Variants in PREX2 observed in about 807,000 individuals in gnomAD.
PREX2 encodes phosphatidylinositol-3,4,5-trisphosphate dependent Rac exchange factor 2.
Under a neutral mutation model 203.2 loss-of-function variants are expected in PREX2, and 107 were observed. The ratio of observed to expected loss-of-function variants is 0.53; its 90% CI spans 0.45 to 0.62. PREX2 has a LOEUF of 0.62. Among genes scored for constraint, PREX2 ranks in the 20% least tolerant of loss-of-function variants. PREX2 has a pLI of 0.00. For missense variants in PREX2, 1,777 were observed against 1,955.9 expected (o/e 0.91, Z 1.72); for synonymous variants, 672 against 663.6 (o/e 1.01, Z -0.19).
At chr8:68,182,545 A>G (rs1477071190) in intron 35 of PREX2, among the ~76,000 whole-genome samples, 1 of 152,144 alleles carries the variant, frequency 6.6e-6, no homozygotes, top group Non-Finnish European at 1.5e-5. Context: ...AAAAATGTAC[A>G]TAATGATTTA....
At chr8:68,032,899 C>G (rs569155455) in intron 6 of PREX2, among the ~76,000 whole-genome samples, 2 of 152,232 alleles carry the variant, frequency 1.3e-5, no homozygotes, top group African/African-American at 4.8e-5. Context: ...GAAACAGCTC[C>G]CTCTCCAGCT....
chr8:68,121,124 G>T, intron 30 of PREX2, 75 bp downstream of exon 30: 1 of 1,433,202 alleles, frequency 7.0e-7, no homozygotes, highest in South Asian at 1.2e-5. Flanking sequence ...CCAAAAGTTT[G>T]GTAATGCCTG....
intron 1 of PREX2, among the ~76,000 whole-genome samples, chr8:68,009,325 A>G (rs191113192): frequency 5.6e-4 from 85 of 152,318 alleles, no homozygotes; most frequent in Middle Eastern, 3.4e-3. Context: ...TATCTATACA[A>G]TGTACTTTGT....
chr8:68,195,869 A>G (rs1812384392), intron 37 of PREX2, among the ~76,000 whole-genome samples: 1 of 152,216 alleles, frequency 6.6e-6, no homozygotes, highest in Non-Finnish European at 1.5e-5. Flanking sequence ...AAACTATTGA[A>G]TTATATTGTA....
At chr8:68,069,704 A>C (rs1202952827) in intron 12 of PREX2, 131 bp from the exon 13 acceptor site, 1 of 473,782 alleles carries the variant, frequency 2.1e-6, no homozygotes, top group African/African-American at 2.0e-5. Flanking sequence ...TATTTGAATA[A>C]TTTTTAAATT....
At chr8:67,960,201 C>T (rs2129017182) in intron 1 of PREX2, among the ~76,000 whole-genome samples, 1 of 152,220 alleles carries the variant, frequency 6.6e-6, no homozygotes, top group Non-Finnish European at 1.5e-5. Flanking sequence ...GCCACAATGC[C>T]CAGCTAACTT....
Position 68,198,080 on chromosome 8 carries a change from A to G in PREX2, c.4604+5555A>G, listed in dbSNP as rs563081625. Among the ~76,000 whole-genome samples the G allele has an allele frequency of 3.3e-5, 5 of 152,268 alleles. No homozygotes were observed. The South Asian group carries it at 1.0e-3, about 32-fold the overall frequency. ...CAAAGAGTTTAAACCTTCTTGGTTA[A>G]TATATTGTTCAAGTTCCCAAAAGAG... On this transcript the variant is annotated intron_variant, in intron 37 of 39. Transcript: ENST00000288368.
intron 1 of PREX2, among the ~76,000 whole-genome samples, chr8:67,980,124 G>A (rs1010595094): frequency 1.1e-4 from 17 of 152,168 alleles, no homozygotes; most frequent in African/African-American, 3.6e-4. Context: ...AAAGAGTAGC[G>A]TGATACAAAG....
At chr8:68,113,512 A>G (rs888987669) in intron 25 of PREX2, among the ~76,000 whole-genome samples, 2 of 152,224 alleles carry the variant, frequency 1.3e-5, no homozygotes, top group African/African-American at 4.8e-5. Flanking sequence ...ACATAAAAGT[A>G]TCTTTCCAAA....
chr8:68,213,927 T>A (rs186664353), intron 37 of PREX2, among the ~76,000 whole-genome samples: 42 of 152,350 alleles, frequency 2.8e-4, no homozygotes, highest in Non-Finnish European at 5.3e-4. Context: ...TATTTTGTTA[T>A]TTTGTGGCTT....
At chr8:68,041,615 A>G (rs1808200231) in intron 7 of PREX2, among the ~76,000 whole-genome samples, 1 of 152,036 alleles carries the variant, frequency 6.6e-6, no homozygotes, top group Non-Finnish European at 1.5e-5. Flanking sequence ...ATCTTTTATT[A>G]TGCTCTTCTA....
intron 39 of PREX2, among the ~76,000 whole-genome samples, chr8:68,225,255 T>A (rs897305136): frequency 6.6e-6 from 1 of 151,670 alleles, no homozygotes; most frequent in African/African-American, 2.4e-5. Context: ...CAAGAATGTC[T>A]GAATGAAGAA....
At chr8:68,194,800 CAA>C (rs11301210) in intron 37 of PREX2, among the ~76,000 whole-genome samples, 418 of 142,638 alleles carry the variant, frequency 2.9e-3, no homozygotes, top group Middle Eastern at 3.7e-3. Context: ...GACTGTGTCT[CAA>C]AAAAAAAAAA....
At chr8:68,093,908 A>G (rs78419138) in intron 21 of PREX2, among the ~76,000 whole-genome samples, 186 bp downstream of exon 21, 3,309 of 152,306 alleles carry the variant, frequency 0.022, 101 homozygotes, top group African/African-American at 0.067. Flanking sequence ...TTTGTTAGGC[A>G]TTTTATGAAG....
chr8:68,096,996 T>A, intron 21 of PREX2, 21 bp from the exon 22 acceptor site: 1 of 1,598,200 alleles, frequency 6.3e-7, no homozygotes, highest in Non-Finnish European at 8.6e-7. Context: ...ATTTACTGAG[T>A]TACAGTTGTC....
intron 31 of PREX2, 36 bp from the exon 32 acceptor site, chr8:68,134,023 T>C (rs1290428337): frequency 6.4e-7 from 1 of 1,564,590 alleles, no homozygotes; most frequent in Non-Finnish European, 8.8e-7. Flanking sequence ...TCTGCAACAT[T>C]TTTCGAAGCA....
At chr8:68,023,169 T>C (rs1563504921) in intron 4 of PREX2, among the ~76,000 whole-genome samples, 1 of 152,192 alleles carries the variant, frequency 6.6e-6, no homozygotes, top group Admixed American at 6.5e-5. Flanking sequence ...ATGCCTGTGT[T>C]GTATGATAAG....
intron 37 of PREX2, among the ~76,000 whole-genome samples, chr8:68,209,070 T>TAAAAAAAAAAA (rs994362514): frequency 1.7e-5 from 2 of 115,066 alleles, no homozygotes; most frequent in Admixed American, 9.2e-5. Flanking sequence ...TGGACTCATT[T>TAAAAAAAAAAA]AAAAAAAAAA....
chr8:68,134,573 A>T (rs1420360421), intron 32 of PREX2, among the ~76,000 whole-genome samples: 3 of 152,172 alleles, frequency 2.0e-5, no homozygotes, highest in African/African-American at 4.8e-5. Context: ...TCATCAGAAG[A>T]AAAAGGGTCT....
Sources: gnomAD v4.1 joint callset for allele counts (sites outside exome capture counted in the v4.1 genomes callset) on GRCh38, gnomAD v4.1.1 for gene constraint, MANE v1.5 for transcripts, NCBI Gene and HGNC (gene_info 2026-07-23, HGNC 2026-07-21) for gene names.